The following NEK1 variants were observed in gnomAD, a reference collection of about 807,000 sequenced individuals.
NEK1 encodes the protein NIMA related kinase 1, also known as serine/threonine-protein kinase Nek1.
Under a neutral mutation model 182.1 loss-of-function variants are expected in NEK1, and 137 were observed. That is an observed-to-expected ratio of 0.75 (90% CI 0.65 to 0.87). The LOEUF (loss-of-function observed/expected upper bound fraction) is 0.87, where lower values mean the gene tolerates loss of function less well. Ranked by LOEUF, NEK1 falls within the 40% of genes least tolerant of loss-of-function variation. The pLI, the probability that NEK1 is intolerant of heterozygous loss-of-function variation, is 0.00. For missense variants in NEK1, 1,391 were observed against 1,494.4 expected (o/e 0.93, Z 1.14); for synonymous variants, 513 against 492.2 (o/e 1.04, Z -0.56).
chr4:169,473,246 G>GA (rs111395147), intron 26 of NEK1, among the ~76,000 whole-genome samples: 1,426 of 129,222 alleles, frequency 0.011, 14 homozygotes, highest in East Asian at 0.079. Flanking sequence ...AGCCTGTCTT[G>GA]AAAAAAAAAA....
chr4:169,440,903 A>T (rs768238057), intron 27 of NEK1, among the ~76,000 whole-genome samples: 1 of 152,202 alleles, frequency 6.6e-6, no homozygotes, highest in Non-Finnish European at 1.5e-5. Context: ...CAGCTGCAAC[A>T]TGGTGCCACT....
intron 23 of NEK1, among the ~76,000 whole-genome samples, chr4:169,483,095 T>C (rs906601067): frequency 6.6e-6 from 1 of 152,232 alleles, no homozygotes; most frequent in Non-Finnish European, 1.5e-5. Flanking sequence ...ACTCTTTTAC[T>C]TGAATACTTA....
At chr4:169,437,953 T>A (rs951492028) in intron 28 of NEK1, 130 bp downstream of exon 28, 1 of 713,928 alleles carries the variant, frequency 1.4e-6, no homozygotes, top group African/African-American at 1.8e-5. Flanking sequence ...GCTAAAAATA[T>A]AAAAATACTG....
chr4:169,502,213 C>T (rs1156497182), intron 23 of NEK1, among the ~76,000 whole-genome samples: 1 of 150,396 alleles, frequency 6.6e-6, no homozygotes, highest in Non-Finnish European at 1.5e-5. Context: ...CTTGAACAGA[C>T]CAATAATGAG....
At chr4:169,508,193 G>T in intron 21 of NEK1, 55 bp downstream of exon 21, 1 of 1,427,878 alleles carries the variant, frequency 7.0e-7, no homozygotes, top group Non-Finnish European at 9.5e-7. Context: ...CATTTTAAAT[G>T]TTAACCTACT....
intron 5 of NEK1, among the ~76,000 whole-genome samples, chr4:169,594,092 G>A (rs545818671): frequency 3.3e-4 from 50 of 151,990 alleles, no homozygotes; most frequent in Non-Finnish European, 6.9e-4. Flanking sequence ...TTCGAAAATG[G>A]GATTCTCTTG....
chr4:169,508,243 C>T lies in NEK1; in HGVS notation c.1833+5G>A. ...TTTCTTCAAAAAAATAGCTTTTCAACCTACCTTTTCACCACGAAGTTTGGC... is the reference window on the plus strand; with the variant it reads ...TTTCTTCAAAAAAATAGCTTTTCAATCTACCTTTTCACCACGAAGTTTGGC... On this transcript the variant is annotated splice_donor_5th_base_variant and intron_variant, in intron 21 of 35. Coordinates refer to ENST00000507142, the MANE Select transcript of NEK1 (RefSeq NM_001199397.3). 1 of 1,580,972 alleles carries T rather than the reference C, an allele frequency of 6.3e-7. No homozygotes were observed. The highest frequency in any genetic ancestry group is 8.6e-7 in the Non-Finnish European group (1 of 1,165,338).
At chr4:169,522,008 T>C (rs1756145818) in intron 19 of NEK1, among the ~76,000 whole-genome samples, 1 of 152,236 alleles carries the variant, frequency 6.6e-6, no homozygotes, top group Non-Finnish European at 1.5e-5. Flanking sequence ...GCTTTGAAGA[T>C]ACAATGTTAA....
chr4:169,511,176 T>C (rs1450022229), intron 19 of NEK1, among the ~76,000 whole-genome samples: 1 of 152,140 alleles, frequency 6.6e-6, no homozygotes, highest in Non-Finnish European at 1.5e-5. Flanking sequence ...TGTAAGAGCA[T>C]GCCCTACCTT....
At chr4:169,564,919 G>C (rs1256816580) in intron 12 of NEK1, among the ~76,000 whole-genome samples, 1 of 152,162 alleles carries the variant, frequency 6.6e-6, no homozygotes, top group Non-Finnish European at 1.5e-5. Flanking sequence ...GCAACAAAGT[G>C]ATAAGCGGTA....
chr4:169,568,561 C>T (rs1764094352), intron 12 of NEK1, among the ~76,000 whole-genome samples: 1 of 151,996 alleles, frequency 6.6e-6, no homozygotes. Context: ...GTATATATAA[C>T]ACTAAGTAAA....
intron 10 of NEK1, among the ~76,000 whole-genome samples, chr4:169,583,291 A>C (rs551216258): frequency 2.2e-4 from 34 of 151,458 alleles, no homozygotes; most frequent in African/African-American, 8.2e-4. Context: ...AAGTATCACA[A>C]AGCTTCTCAC....
intron 12 of NEK1, among the ~76,000 whole-genome samples, chr4:169,569,546 A>G (rs2149992459): frequency 6.8e-6 from 1 of 147,886 alleles, no homozygotes; most frequent in African/African-American, 2.5e-5. Flanking sequence ...TGCCGAGCCG[A>G]AGCTGGACTG....
At chr4:169,529,142 A>C (rs1162830045) in intron 19 of NEK1, among the ~76,000 whole-genome samples, 1 of 152,196 alleles carries the variant, frequency 6.6e-6, no homozygotes, top group East Asian at 1.9e-4. Context: ...GAAATTTATA[A>C]AATGCAATAC....
chr4:169,462,790 C>T (rs1413140801), intron 27 of NEK1, among the ~76,000 whole-genome samples: 1 of 152,044 alleles, frequency 6.6e-6, no homozygotes, highest in African/African-American at 2.4e-5. Flanking sequence ...GCTGTAATAC[C>T]AAAGGCCACA....
chr4:169,530,545 G>GTTTT (rs1244430270), intron 19 of NEK1, among the ~76,000 whole-genome samples: 1 of 152,106 alleles, frequency 6.6e-6, no homozygotes, highest in Non-Finnish European at 1.5e-5. Context: ...GCTAAGCCAT[G>GTTTT]TTTTGTAGGT....
intron 22 of NEK1, 121 bp from the exon 23 acceptor site, chr4:169,507,253 T>C: frequency 3.3e-6 from 2 of 597,578 alleles, no homozygotes; most frequent in Non-Finnish European, 5.4e-6. Context: ...AGTGTGCATG[T>C]GGTCTTAGAA....
intron 19 of NEK1, among the ~76,000 whole-genome samples, chr4:169,511,830 A>G (rs528711782): frequency 6.6e-6 from 1 of 152,096 alleles, no homozygotes; most frequent in Non-Finnish European, 1.5e-5. Context: ...CTTGATAATT[A>G]TGTCATAATT....
intron 19 of NEK1, among the ~76,000 whole-genome samples, chr4:169,537,554 A>G (rs1758707005): frequency 6.6e-6 from 1 of 152,192 alleles, no homozygotes; most frequent in South Asian, 2.1e-4. Context: ...GGAAGGATAC[A>G]GGTATGAACT....
Sources: gnomAD v4.1 joint callset for allele counts (sites outside exome capture counted in the v4.1 genomes callset) on GRCh38, gnomAD v4.1.1 for gene constraint, MANE v1.5 for transcripts, NCBI Gene and HGNC (gene_info 2026-07-23, HGNC 2026-07-21) for gene names.